TUSC3: variants seen among roughly 807,000 people sequenced by gnomAD.
The protein encoded by TUSC3 is dolichyl-diphosphooligosaccharide--protein glycosyltransferase subunit TUSC3.
A neutral mutation model predicts 44.8 loss-of-function variants in TUSC3; 45 were observed. That is an observed-to-expected ratio of 1.00 (90% CI 0.79 to 1.29). The LOEUF (loss-of-function observed/expected upper bound fraction) is 1.29, where lower values mean the gene tolerates loss of function less well. Ranked by LOEUF, TUSC3 falls within the 50% of genes most tolerant of loss-of-function variation. The pLI is 0.00. For missense variants in TUSC3, 519 were observed against 437.9 expected (o/e 1.19, Z -1.65); for synonymous variants, 212 against 152.9 (o/e 1.39, Z -2.85).
chr8:15,791,419 T>C, the TUSC3 span, among the ~76,000 whole-genome samples: 12 of 152,166 alleles, frequency 7.9e-5, no homozygotes, highest in Admixed American at 1.3e-4. Flanking sequence ...TTTCACAGTA[T>C]GTTAATTTAT....
chr8:15,514,494 T>A lies in TUSC3; in HGVS notation n.189+31011T>A, dbSNP rs138994528. Reference sequence around the variant, plus strand: ...AGTATAAAAACCAAAAATAGAAGTTTGTGAAATCTGAACTGTAGACTTACC... The same window carrying A: ...AGTATAAAAACCAAAAATAGAAGTTAGTGAAATCTGAACTGTAGACTTACC... On this transcript the variant is annotated intron_variant and non_coding_transcript_variant, in intron 2 of 5. Transcript: ENST00000503191. Among the ~76,000 whole-genome samples the A allele has an allele frequency of 3.0e-3, 454 of 152,296 alleles. 1 individual carries two copies. Among genetic ancestry groups the A allele is most frequent in the African/African-American group, 0.011 (441 of 41,566 alleles).
chr8:15,707,363 T>C (rs1809660105), intron 6 of TUSC3, among the ~76,000 whole-genome samples: 1 of 152,024 alleles, frequency 6.6e-6, no homozygotes, highest in African/African-American at 2.4e-5. Flanking sequence ...AGTCTGTCTT[T>C]TCAGTGATTG....
chr8:15,838,389 T>C, the TUSC3 span, among the ~76,000 whole-genome samples: 1 of 152,180 alleles, frequency 6.6e-6, no homozygotes, highest in Non-Finnish European at 1.5e-5. Flanking sequence ...GTCATAACTA[T>C]AATGCCAGGA....
chr8:15,481,667 T>A (rs1800662963), intron 1 of TUSC3, among the ~76,000 whole-genome samples: 2 of 152,224 alleles, frequency 1.3e-5, no homozygotes, highest in South Asian at 4.1e-4. Context: ...TGTACTTTAG[T>A]CTGTTAAGTG....
the TUSC3 span, among the ~76,000 whole-genome samples, chr8:15,833,251 G>A: frequency 4.6e-5 from 7 of 152,060 alleles, no homozygotes; most frequent in Admixed American, 6.6e-5. Flanking sequence ...ACATTTATAC[G>A]CTGTTGATGG....
chr8:15,710,300 A>G (rs1302737936), intron 6 of TUSC3, among the ~76,000 whole-genome samples: 2 of 151,876 alleles, frequency 1.3e-5, no homozygotes, highest in African/African-American at 4.8e-5. Context: ...TAGATAATAT[A>G]TAGTTATTTA....
intron 6 of TUSC3, among the ~76,000 whole-genome samples, chr8:15,675,178 G>T (rs1008883891): frequency 6.6e-6 from 1 of 152,078 alleles, no homozygotes; most frequent in African/African-American, 2.4e-5. Flanking sequence ...ATACATTTCT[G>T]TTACATAAAG....
chr8:15,463,513 C>G (rs906214676), intron 1 of TUSC3, among the ~76,000 whole-genome samples: 1 of 152,052 alleles, frequency 6.6e-6, no homozygotes, highest in Non-Finnish European at 1.5e-5. Context: ...ATTTTATGTG[C>G]TCTTAATGAG....
intron 1 of TUSC3, 98 bp downstream of exon 1, chr8:15,540,666 GC>G: frequency 7.1e-7 from 1 of 1,413,472 alleles, no homozygotes; most frequent in Admixed American, 2.8e-5. Context: ...CAGCCTGGTC[GC>G]CGGCGTGGGC....
intron 2 of TUSC3, among the ~76,000 whole-genome samples, chr8:15,504,171 G>T (rs1801013569): frequency 6.6e-6 from 1 of 152,110 alleles, no homozygotes; most frequent in South Asian, 2.1e-4. Context: ...AGGCCTCAGA[G>T]CCAGACTGCC....
At chr8:15,554,733 G>C (rs910956418) in intron 1 of TUSC3, among the ~76,000 whole-genome samples, 2 of 149,722 alleles carry the variant, frequency 1.3e-5, no homozygotes, top group Admixed American at 1.3e-4. Flanking sequence ...CTCCCGAGTA[G>C]CTGGGACCAC....
intron 2 of TUSC3, among the ~76,000 whole-genome samples, chr8:15,649,045 G>C (rs1241002673): frequency 6.6e-6 from 1 of 152,168 alleles, no homozygotes; most frequent in Non-Finnish European, 1.5e-5. Flanking sequence ...TAAAATCTCA[G>C]ATCCTGCACA....
intron 1 of TUSC3, among the ~76,000 whole-genome samples, chr8:15,602,529 G>A (rs1031529980): frequency 6.6e-6 from 1 of 151,586 alleles, no homozygotes; most frequent in African/African-American, 2.4e-5. Flanking sequence ...GCAGAGCTGT[G>A]AGGTAAGTAA....
At chr8:15,553,155 C>G (rs1802116056) in intron 1 of TUSC3, among the ~76,000 whole-genome samples, 1 of 151,674 alleles carries the variant, frequency 6.6e-6, no homozygotes, top group Admixed American at 6.6e-5. Flanking sequence ...TGTGTGATAT[C>G]TAAACTGAGA....
intron 6 of TUSC3, 149 bp from the exon 7 acceptor site, chr8:15,730,517 C>T (rs1486846703): frequency 1.3e-6 from 1 of 766,148 alleles, no homozygotes; most frequent in African/African-American, 1.7e-5. Flanking sequence ...AACTAATAAT[C>T]ATTTAAAATA....
At chr8:15,511,311 A>G (rs1801133074) in intron 2 of TUSC3, among the ~76,000 whole-genome samples, 1 of 152,088 alleles carries the variant, frequency 6.6e-6, no homozygotes, top group African/African-American at 2.4e-5. Context: ...GGAAATCCAG[A>G]TTGGAATAGA....
intron 2 of TUSC3, among the ~76,000 whole-genome samples, chr8:15,525,635 G>A (rs576303143): frequency 5.0e-4 from 76 of 152,210 alleles, no homozygotes; most frequent in Non-Finnish European, 7.5e-4. Flanking sequence ...TCATTTTCCC[G>A]TGACAGGGCT....
intron 1 of TUSC3, among the ~76,000 whole-genome samples, chr8:15,461,564 T>G (rs1800345590): frequency 6.6e-6 from 1 of 152,010 alleles, no homozygotes; most frequent in South Asian, 2.1e-4. Flanking sequence ...GGACTTCCAG[T>G]ACTATATTAA....
intron 2 of TUSC3, among the ~76,000 whole-genome samples, chr8:15,635,289 C>G (rs189784859): frequency 7.4e-4 from 113 of 152,252 alleles, no homozygotes; most frequent in African/African-American, 2.6e-3. Context: ...GTTTAGTCAC[C>G]AAACTGCCGT....
Sources: gnomAD v4.1 joint callset for allele counts (sites outside exome capture counted in the v4.1 genomes callset) on GRCh38, gnomAD v4.1.1 for gene constraint, MANE v1.5 for transcripts, NCBI Gene and HGNC (gene_info 2026-07-23, HGNC 2026-07-21) for gene names.